CLSTN2: variants seen among roughly 807,000 people sequenced by gnomAD.
CLSTN2 encodes calsyntenin 2.
Under a neutral mutation model 101.2 loss-of-function variants are expected in CLSTN2, and 48 were observed. That is an observed-to-expected ratio of 0.47 (90% CI 0.38 to 0.60). The LOEUF is 0.60. CLSTN2 is among the 20% of genes least tolerant of loss of function. The pLI, the probability that CLSTN2 is intolerant of heterozygous loss-of-function variation, is 0.00. For missense variants in CLSTN2, 1,160 were observed against 1,238.2 expected (o/e 0.94, Z 0.95); for synonymous variants, 481 against 463.6 (o/e 1.04, Z -0.48).
At chr3:140,012,179 G>C (rs772179570) in intron 1 of CLSTN2, among the ~76,000 whole-genome samples, 1 of 152,032 alleles carries the variant, frequency 6.6e-6, no homozygotes, top group Non-Finnish European at 1.5e-5. Context: ...TCCAGAGTGA[G>C]TGCTCAAAAA....
At chr3:140,490,117 TACACACACACACACACACACACACAC>T (rs71637079) in intron 8 of CLSTN2, among the ~76,000 whole-genome samples, 21 of 1,954 alleles carry the variant, frequency 0.011, 4 homozygotes, top group African/African-American at 0.025. Context: ...TATATATATA[TACACACACACACACACACACACACAC>T]ACACACACAC....
At chr3:140,239,159 G>A (rs1334198692) in intron 2 of CLSTN2, among the ~76,000 whole-genome samples, 1 of 152,164 alleles carries the variant, frequency 6.6e-6, no homozygotes, top group East Asian at 1.9e-4. Flanking sequence ...TACTGGCTGT[G>A]AGGAGACAGG....
At chr3:140,104,993 A>G (rs1357823927) in intron 1 of CLSTN2, among the ~76,000 whole-genome samples, 1 of 152,190 alleles carries the variant, frequency 6.6e-6, no homozygotes, top group Non-Finnish European at 1.5e-5. Context: ...ATAAAAAAAC[A>G]AAAGGTAAAA....
rs1985663759 is a variant in CLSTN2, at chr3:140,574,344, A to T, written c.*8091A>T. On this transcript the variant is annotated 3_prime_UTR_variant, in exon 17 of 17. Transcript: ENST00000458420. ...GTTTGGGGACTACCCCTTCCTAGCT[A>T]TAGTCAGTAAATGGAGCCCCTAAGC... The T allele has an allele frequency of 6.6e-6, 1 of 152,184 alleles. No homozygotes were observed. The highest frequency in any genetic ancestry group is 2.4e-5 in the African/African-American group (1 of 41,446). 9.4% of individuals were successfully genotyped at this position (152,184 alleles called of 1,614,324 possible).
At chr3:140,019,923 T>C (rs1242104211) in intron 1 of CLSTN2, among the ~76,000 whole-genome samples, 1 of 152,010 alleles carries the variant, frequency 6.6e-6, no homozygotes, top group Non-Finnish European at 1.5e-5. Flanking sequence ...ATGAAGGCAA[T>C]AGGTCGGGGA....
At chr3:140,165,500 C>T (rs145548991) in intron 1 of CLSTN2, among the ~76,000 whole-genome samples, 116 of 152,270 alleles carry the variant, frequency 7.6e-4, no homozygotes, top group Non-Finnish European at 1.2e-3. Context: ...CACAGTAGAC[C>T]TGTGGCATGA....
intron 1 of CLSTN2, among the ~76,000 whole-genome samples, chr3:140,163,585 C>A (rs1368104691): frequency 6.6e-6 from 1 of 151,862 alleles, no homozygotes; most frequent in East Asian, 1.9e-4. Context: ...CCCTACCAAG[C>A]ACTTGGTCCA....
In CLSTN2 at chr3:139,935,859, T is replaced by G. The variant is rs1935011210; in HGVS notation, c.109+376T>G. Among the ~76,000 whole-genome samples the G allele has an allele frequency of 6.6e-6, 1 of 151,956 alleles. No homozygotes were observed. Among genetic ancestry groups the G allele is most frequent in the Non-Finnish European group, 1.5e-5 (1 of 67,956 alleles). ...GGACAAGCAGGTGTCTGCTCCTGCC[T>G]GGGGGAAGGATCAGCGGCGGTGCTT... On this transcript the variant is annotated intron_variant, in intron 1 of 16. Transcript: ENST00000458420. The surrounding 1 kb of genome is among the most constrained non-coding windows in gnomAD (Gnocchi z 5.5).
chr3:140,375,986 A>T (rs931126), intron 2 of CLSTN2, among the ~76,000 whole-genome samples: 145,361 of 152,260 alleles, frequency 0.95, 69,743 homozygotes, highest in East Asian at 1. Context: ...CAAAAAAAGA[A>T]GTGCAGTTTA....
chr3:140,512,085 G>C (rs1046492522), intron 8 of CLSTN2, among the ~76,000 whole-genome samples: 3 of 151,906 alleles, frequency 2.0e-5, no homozygotes, highest in Non-Finnish European at 4.4e-5. Context: ...CATTCTGTAG[G>C]TTTTCTGTTC....
intron 2 of CLSTN2, among the ~76,000 whole-genome samples, chr3:140,285,951 C>T (rs767829245): frequency 1.3e-5 from 2 of 152,114 alleles, no homozygotes; most frequent in East Asian, 1.9e-4. Flanking sequence ...TAGCACTTTT[C>T]GAAATGGAAA....
intron 2 of CLSTN2, among the ~76,000 whole-genome samples, chr3:140,180,042 GTCA>G (rs2010385078): frequency 6.6e-6 from 1 of 152,204 alleles, no homozygotes; most frequent in Non-Finnish European, 1.5e-5. Context: ...TAGCCTTGCT[GTCA>G]TCATCTGTAA....
intron 1 of CLSTN2, among the ~76,000 whole-genome samples, chr3:140,142,307 G>C (rs2009714051): frequency 6.6e-6 from 1 of 152,184 alleles, no homozygotes; most frequent in Admixed American, 6.5e-5. Context: ...ATGTCCAAGG[G>C]AGGAAGCATC....
At chr3:140,368,871 C>T (rs1169425220) in intron 2 of CLSTN2, among the ~76,000 whole-genome samples, 2 of 152,166 alleles carry the variant, frequency 1.3e-5, no homozygotes, top group African/African-American at 4.8e-5. Flanking sequence ...ATTTTAGAAA[C>T]ATTTATATAG....
intron 1 of CLSTN2, among the ~76,000 whole-genome samples, chr3:140,153,789 G>T (rs1576447661): frequency 6.6e-6 from 1 of 152,314 alleles, no homozygotes; most frequent in East Asian, 1.9e-4. Flanking sequence ...ACAGAGGGCT[G>T]TGAAGGCAGC....
rs557907470 is a variant in CLSTN2, at chr3:139,944,025, G to A, written c.109+8542G>A. 4.6e-5 allele frequency among the ~76,000 whole-genome samples: 7 copies of A among 152,298 alleles called. No individual in the cohort carries two copies. The South Asian group carries it at 1.5e-3, about 32-fold the overall frequency. On this transcript the variant is annotated intron_variant, in intron 1 of 16. Transcript: ENST00000458420. ...GCCCATCTGGCCTTCTCTCCTGTCA[G>A]TGAACTTTCTAGAAATTTCCAAATA...
intron 2 of CLSTN2, among the ~76,000 whole-genome samples, chr3:140,275,803 G>T (rs2086789698): frequency 6.6e-6 from 1 of 152,188 alleles, no homozygotes; most frequent in Admixed American, 6.5e-5. Context: ...AAGCCATGGA[G>T]AGTAAGTACA....
rs536273516 is a variant in CLSTN2 at position 140,021,757 on chromosome 3, G to T, written c.109+86274G>T. Among the ~76,000 whole-genome samples, 19 of 152,212 alleles carry T rather than the reference G, an allele frequency of 1.2e-4. No individual in the cohort carries two copies. The South Asian group carries it at 3.9e-3, about 32-fold the overall frequency. ...TACCCATAAGAGATCAATTTCTTTGGGGTTTAAGGCAAAAATACCCCCATT... is the reference window on the plus strand; with the variant it reads ...TACCCATAAGAGATCAATTTCTTTGTGGTTTAAGGCAAAAATACCCCCATT... On this transcript the variant is annotated intron_variant, in intron 1 of 16. Transcript: ENST00000458420.
chr3:140,360,806 A>G (rs542201716), intron 2 of CLSTN2, among the ~76,000 whole-genome samples: 1 of 152,362 alleles, frequency 6.6e-6, no homozygotes, highest in South Asian at 2.1e-4. Flanking sequence ...AACTGACTCA[A>G]AAAGAAATAG....
Sources: allele counts gnomAD v4.1 joint callset (sites outside exome capture counted in the v4.1 genomes callset), GRCh38; gene constraint gnomAD v4.1.1; non-coding constraint Gnocchi (gnomAD v3.1); transcripts MANE v1.5; gene names NCBI Gene and HGNC (gene_info 2026-07-23, HGNC 2026-07-21).